The following CHCHD3 variants were observed in gnomAD, a reference collection of about 807,000 sequenced individuals.
The protein encoded by CHCHD3 is coiled-coil-helix-coiled-coil-helix domain containing 3, also known as MICOS complex subunit MIC19.
Under a neutral mutation model 38.2 loss-of-function variants are expected in CHCHD3, and 20 were observed. That is an observed-to-expected ratio of 0.52 (90% CI 0.37 to 0.76). CHCHD3 has a LOEUF of 0.76. CHCHD3 is among the 30% of genes least tolerant of loss of function. The probability of loss-of-function intolerance (pLI) is 0.00; values close to 1 mark genes in which losing one functional copy is unlikely to be tolerated. For missense variants in CHCHD3, 245 were observed against 279.2 expected (o/e 0.88, Z 0.87); for synonymous variants, 82 against 100.0 (o/e 0.82, Z 1.07).
chr7:132,831,320 C>T (rs144607629), intron 6 of CHCHD3, among the ~76,000 whole-genome samples: 44 of 152,222 alleles, frequency 2.9e-4, no homozygotes, highest in Middle Eastern at 3.4e-3. Flanking sequence ...CTGAGATACA[C>T]CATTTGATCA....
At chr7:133,001,513 A>C (rs1173582427) in intron 3 of CHCHD3, among the ~76,000 whole-genome samples, 1 of 152,190 alleles carries the variant, frequency 6.6e-6, no homozygotes, top group Non-Finnish European at 1.5e-5. Flanking sequence ...CAAACTAAAA[A>C]CTAAGTTGTT....
chr7:132,959,253 T>C (rs983996636), intron 4 of CHCHD3, among the ~76,000 whole-genome samples: 1 of 152,252 alleles, frequency 6.6e-6, no homozygotes, highest in Non-Finnish European at 1.5e-5. Flanking sequence ...CTGCAAAGTA[T>C]GTATTACAAA....
intron 7 of CHCHD3, among the ~76,000 whole-genome samples, chr7:132,794,254 T>C (rs2117025971): frequency 6.6e-6 from 1 of 152,318 alleles, no homozygotes; most frequent in East Asian, 1.9e-4. Context: ...CTTCACAAAC[T>C]TACCCACTCA....
At chr7:132,939,842 A>C (rs774801431) in intron 4 of CHCHD3, among the ~76,000 whole-genome samples, 7 of 152,202 alleles carry the variant, frequency 4.6e-5, no homozygotes, top group Non-Finnish European at 1.0e-4. Context: ...CTGCCATCAC[A>C]ATTTCTTCTG....
chr7:132,951,899 T>C (rs986664099), intron 4 of CHCHD3, among the ~76,000 whole-genome samples: 3 of 152,192 alleles, frequency 2.0e-5, no homozygotes, highest in African/African-American at 4.8e-5. Flanking sequence ...CCATAAATCA[T>C]GTCTTTTGTC....
intron 4 of CHCHD3, among the ~76,000 whole-genome samples, chr7:132,908,829 T>C (rs1383968169): frequency 6.6e-6 from 1 of 152,250 alleles, no homozygotes; most frequent in Non-Finnish European, 1.5e-5. Context: ...TGTTATAAAG[T>C]TATCTCATAT....
rs1266141733 is a variant in CHCHD3 at position 132,937,297 on chromosome 7, C to T, written c.369+37872G>A. 2.0e-5 allele frequency among the ~76,000 whole-genome samples: 3 copies of T among 152,268 alleles called. No homozygotes were observed. In the South Asian group the frequency reaches 6.2e-4, roughly 32 times the overall value. On this transcript the variant is annotated intron_variant, in intron 4 of 7. Coordinates refer to ENST00000262570, the MANE Select transcript of CHCHD3 (RefSeq NM_017812.4). ...TGGATTTGCTCATGTATACAGCTAT[C>T]TTAGGTTTAATAGCAACTCAAAAAA...
intron 3 of CHCHD3, among the ~76,000 whole-genome samples, chr7:133,002,230 AG>A (rs1446663388): frequency 6.6e-6 from 1 of 152,226 alleles, no homozygotes; most frequent in East Asian, 1.9e-4. Context: ...AATATGTGCC[AG>A]GTGCTTTATA....
chr7:132,885,776 C>CA, intron 4 of CHCHD3, 31 bp from the exon 5 acceptor site: 2 of 1,474,550 alleles, frequency 1.4e-6, no homozygotes, highest in South Asian at 2.6e-5. Flanking sequence ...TATACTATAT[C>CA]AAGAAAAAGC....
Position 133,081,951 on chromosome 7 carries a change from G to A in CHCHD3, c.-14C>T, listed in dbSNP as rs375662701. The A allele has an allele frequency of 7.1e-5, 109 of 1,537,944 alleles. 1 individual carries two copies. The East Asian group carries it at 1.7e-3, about 24-fold the overall frequency. On this transcript the variant is annotated 5_prime_UTR_variant, in exon 1 of 8. Transcript: ENST00000262570. ...GGTCCCACCCATGATTCCGGTTCCT[G>A]CCCCAGCGGAGACCTAGCGGGGAAC... is the stretch of plus-strand genomic sequence containing the variant.
chr7:132,826,957 T>G (rs1198805641), intron 6 of CHCHD3, among the ~76,000 whole-genome samples: 1 of 151,974 alleles, frequency 6.6e-6, no homozygotes, highest in African/African-American at 2.4e-5. Context: ...TTTAAGAAAA[T>G]AAATAAATGA....
intron 6 of CHCHD3, among the ~76,000 whole-genome samples, chr7:132,817,455 T>C (rs1234521130): frequency 6.6e-6 from 1 of 151,654 alleles, no homozygotes; most frequent in Non-Finnish European, 1.5e-5. Flanking sequence ...CTATTCTCCT[T>C]AGGGACAAAA....
chr7:133,049,934 A>T (rs1166844072), intron 2 of CHCHD3, among the ~76,000 whole-genome samples: 1 of 152,206 alleles, frequency 6.6e-6, no homozygotes, highest in Non-Finnish European at 1.5e-5. Flanking sequence ...CTTCTAAGGT[A>T]CACATTTATT....
chr7:133,009,804 T>C (rs1413464731), intron 3 of CHCHD3, among the ~76,000 whole-genome samples: 3 of 152,228 alleles, frequency 2.0e-5, no homozygotes, highest in Non-Finnish European at 4.4e-5. Flanking sequence ...CAAACTATAG[T>C]ACATGTTGTT....
intron 5 of CHCHD3, among the ~76,000 whole-genome samples, chr7:132,863,920 G>T (rs1476150015): frequency 6.6e-6 from 1 of 152,126 alleles, no homozygotes; most frequent in Non-Finnish European, 1.5e-5. Flanking sequence ...TCTAGATTAG[G>T]CTGTGGCTTA....
At chr7:132,900,049 T>C (rs1301569930) in intron 4 of CHCHD3, among the ~76,000 whole-genome samples, 1 of 152,190 alleles carries the variant, frequency 6.6e-6, no homozygotes, top group African/African-American at 2.4e-5. Flanking sequence ...GGCAGCAGCG[T>C]TCCTTCTCTG....
chr7:133,050,827 C>T (rs750257275), intron 2 of CHCHD3, among the ~76,000 whole-genome samples: 9 of 151,802 alleles, frequency 5.9e-5, no homozygotes, highest in Non-Finnish European at 1.3e-4. Context: ...CCAGCCTGAC[C>T]GACATGGCAA....
intron 4 of CHCHD3, among the ~76,000 whole-genome samples, chr7:132,903,118 G>A (rs1300294434): frequency 6.6e-6 from 1 of 152,188 alleles, no homozygotes. Flanking sequence ...GTATCTGCAA[G>A]GGATTGGTTC....
intron 5 of CHCHD3, among the ~76,000 whole-genome samples, chr7:132,840,207 C>T (rs1293559310): frequency 2.0e-5 from 3 of 152,194 alleles, no homozygotes; most frequent in South Asian, 2.1e-4. Context: ...AAAATACACA[C>T]CAGTCACAAC....
Sources: allele counts gnomAD v4.1 joint callset (sites outside exome capture counted in the v4.1 genomes callset), GRCh38; gene constraint gnomAD v4.1.1; transcripts MANE v1.5; gene names NCBI Gene and HGNC (gene_info 2026-07-23, HGNC 2026-07-21).